TRAPPC9: variants seen among roughly 807,000 people sequenced by gnomAD.
TRAPPC9 encodes the protein trafficking protein particle complex subunit 9.
Under a neutral mutation model 124.0 loss-of-function variants are expected in TRAPPC9, and 83 were observed. That is an observed-to-expected ratio of 0.67 (90% confidence interval 0.56 to 0.80). The LOEUF (loss-of-function observed/expected upper bound fraction) is 0.80. Ranked by LOEUF, TRAPPC9 falls within the 30% of genes least tolerant of loss-of-function variation. TRAPPC9 has a pLI of 0.00. For missense variants in TRAPPC9, 1,302 were observed against 1,508.3 expected (o/e 0.86, Z 2.27); for synonymous variants, 638 against 617.5 (o/e 1.03, Z -0.49).
intron 4 of TRAPPC9, among the ~76,000 whole-genome samples, chr8:140,429,951 A>G (rs2070574908): frequency 6.6e-6 from 1 of 152,158 alleles, no homozygotes; most frequent in African/African-American, 2.4e-5. Context: ...GTTCGAGACC[A>G]GCTTGGCCAA....
At chr8:139,756,235 G>C (rs2130286466) in intron 21 of TRAPPC9, among the ~76,000 whole-genome samples, 1 of 130,528 alleles carries the variant, frequency 7.7e-6, no homozygotes, top group South Asian at 2.7e-4. Flanking sequence ...AGGAGCCAGG[G>C]TTTGGGGATG....
intron 9 of TRAPPC9, among the ~76,000 whole-genome samples, chr8:140,347,512 C>G (rs1324158407): frequency 6.6e-6 from 1 of 152,214 alleles, no homozygotes; most frequent in East Asian, 1.9e-4. Context: ...CTCAGCCTGC[C>G]TAGCCCAGTT....
intron 17 of TRAPPC9, among the ~76,000 whole-genome samples, chr8:140,180,496 T>C (rs569426253): frequency 4.7e-4 from 71 of 152,284 alleles, no homozygotes; most frequent in African/African-American, 1.6e-3. Flanking sequence ...TTCTCATATT[T>C]ACCTATATTT....
intron 21 of TRAPPC9, among the ~76,000 whole-genome samples, chr8:139,860,636 TC>T (rs1000208894): frequency 5.9e-5 from 9 of 152,024 alleles, no homozygotes; most frequent in Non-Finnish European, 1.0e-4. Flanking sequence ...CTTCAGCACT[TC>T]CCCCCAGCTC....
At chr8:140,240,768 G>A (rs762632944) in intron 16 of TRAPPC9, among the ~76,000 whole-genome samples, 8 of 152,080 alleles carry the variant, frequency 5.3e-5, no homozygotes, top group East Asian at 3.8e-4. Flanking sequence ...TCCAACTCCC[G>A]GACTCAAGTG....
intron 16 of TRAPPC9, among the ~76,000 whole-genome samples, chr8:140,235,281 A>G (rs1318074559): frequency 6.6e-6 from 1 of 152,222 alleles, no homozygotes; most frequent in Non-Finnish European, 1.5e-5. Context: ...CTGAAAATTT[A>G]TAATTTTTAG....
intron 8 of TRAPPC9, among the ~76,000 whole-genome samples, chr8:140,364,698 T>C (rs2068058236): frequency 6.6e-6 from 1 of 152,048 alleles, no homozygotes; most frequent in African/African-American, 2.4e-5. Context: ...TTCTCCTGCC[T>C]CAACCTCCTG....
intron 21 of TRAPPC9, among the ~76,000 whole-genome samples, chr8:139,871,816 T>C (rs1004923105): frequency 2.6e-5 from 4 of 152,120 alleles, no homozygotes; most frequent in South Asian, 4.1e-4. Context: ...GGTGGGTGGA[T>C]GGACTGATGA....
At chr8:139,956,649 C>T (rs928466118) in intron 19 of TRAPPC9, among the ~76,000 whole-genome samples, 1 of 152,232 alleles carries the variant, frequency 6.6e-6, no homozygotes, top group Non-Finnish European at 1.5e-5. Context: ...GACCTGTGTG[C>T]CTGGAACAGC....
At chr8:140,322,429 T>C (rs950554221) in intron 9 of TRAPPC9, among the ~76,000 whole-genome samples, 4 of 152,182 alleles carry the variant, frequency 2.6e-5, no homozygotes, top group African/African-American at 9.7e-5. Context: ...TGCTTTTTAA[T>C]ACAAGTCCAA....
intron 21 of TRAPPC9, among the ~76,000 whole-genome samples, chr8:139,849,150 AGCCTTC>A (rs1333903941): frequency 1.3e-5 from 2 of 152,202 alleles, no homozygotes. Flanking sequence ...AATTGCATTG[AGCCTTC>A]GTCTAGGATA....
intron 21 of TRAPPC9, among the ~76,000 whole-genome samples, chr8:139,778,807 C>CT (rs944450197): frequency 6.6e-6 from 1 of 152,050 alleles, no homozygotes; most frequent in Non-Finnish European, 1.5e-5. Context: ...ACAGCTGTAA[C>CT]TGGAGACCTC....
chr8:140,424,970 G>A (rs1229868324), intron 5 of TRAPPC9, among the ~76,000 whole-genome samples: 5 of 152,198 alleles, frequency 3.3e-5, no homozygotes, highest in Admixed American at 3.3e-4. Context: ...GGTTTTCCGG[G>A]AGCTGAACAA....
At chr8:140,457,908 AC>A, upstream of TRAPPC9, 1 of 563,918 alleles carries the variant, frequency 1.8e-6, no homozygotes, top group South Asian at 2.4e-5. Flanking sequence ...GAGGGAGGGG[AC>A]ATGGGGAGGG....
At chr8:140,175,346 T>C (rs568136837) in intron 17 of TRAPPC9, among the ~76,000 whole-genome samples, 1 of 151,738 alleles carries the variant, frequency 6.6e-6, no homozygotes, top group East Asian at 2.0e-4. Context: ...CAAGCAGACA[T>C]TGGCATAAGA....
intron 21 of TRAPPC9, among the ~76,000 whole-genome samples, chr8:139,807,613 G>A (rs992089405): frequency 4.6e-5 from 7 of 152,206 alleles, no homozygotes; most frequent in African/African-American, 9.6e-5. Flanking sequence ...CACTGCGGAC[G>A]AAAGTGTGCG....
chr8:139,916,943 C>T (rs1241126108), intron 19 of TRAPPC9, among the ~76,000 whole-genome samples: 1 of 152,172 alleles, frequency 6.6e-6, no homozygotes. Flanking sequence ...ATTGCCTGTG[C>T]AGAACACCAG....
chr8:139,879,301 C>G (rs1362450383), intron 21 of TRAPPC9, among the ~76,000 whole-genome samples: 1 of 152,170 alleles, frequency 6.6e-6, no homozygotes, highest in Non-Finnish European at 1.5e-5. Context: ...GATTCCACTG[C>G]GCGGGATGGG....
At chr8:140,181,036 G>T (rs1253465814) in intron 17 of TRAPPC9, among the ~76,000 whole-genome samples, 2 of 151,998 alleles carry the variant, frequency 1.3e-5, no homozygotes, top group Non-Finnish European at 2.9e-5. Flanking sequence ...TTTCTCTCCA[G>T]GATTTTTTCT....
Sources: allele counts gnomAD v4.1 joint callset (sites outside exome capture counted in the v4.1 genomes callset), GRCh38; gene constraint gnomAD v4.1.1; transcripts MANE v1.5; gene names NCBI Gene and HGNC (gene_info 2026-07-23, HGNC 2026-07-21).